RAB38: variants seen among roughly 807,000 people sequenced by gnomAD.
The protein encoded by RAB38 is RAB38, member RAS oncogene family.
RAB38 carries 15 observed loss-of-function variants against 18.4 expected under a neutral mutation model. That is an observed-to-expected ratio of 0.82 (90% CI 0.55 to 1.26). The LOEUF is 1.26. Ranked by LOEUF, RAB38 falls within the 50% of genes most tolerant of loss-of-function variation. The pLI, the probability that RAB38 is intolerant of heterozygous loss-of-function variation, is 0.00. For missense variants in RAB38, 294 were observed against 267.4 expected (o/e 1.10, Z -0.69); for synonymous variants, 101 against 104.4 (o/e 0.97, Z 0.20).
the RAB38 span, among the ~76,000 whole-genome samples, chr11:88,092,275 C>A: frequency 4.3e-5 from 5 of 116,624 alleles, no homozygotes; most frequent in African/African-American, 1.7e-4. Flanking sequence ...AGCTTACAAT[C>A]ATGGAAGAAG....
At chr11:88,076,469 A>G in the RAB38 span, among the ~76,000 whole-genome samples, 1 of 152,204 alleles carries the variant, frequency 6.6e-6, no homozygotes, top group Non-Finnish European at 1.5e-5. Context: ...CAAATTGGAA[A>G]AGAAGTCAAA....
rs1291578518 is a variant in RAB38, at chr11:88,120,341, G to GCT, written c.484-6203_484-6202dup. Among the ~76,000 whole-genome samples, 5 of 152,168 alleles carry GCT rather than the reference G, an allele frequency of 3.3e-5. No homozygotes were observed. The East Asian group carries it at 9.6e-4, about 29-fold the overall frequency. On this transcript the variant is annotated intron_variant, in intron 2 of 2. Coordinates refer to ENST00000243662, the MANE Select transcript of RAB38 (RefSeq NM_022337.3). ...TATATTTTCTCTTTCTCTTCTCCTT[G>GCT]CTCTCTTCTTAGAGTCTATGGCCTA...
At chr11:88,003,512 A>G in the RAB38 span, among the ~76,000 whole-genome samples, 2 of 52,068 alleles carry the variant, frequency 3.8e-5, 1 homozygote, top group Non-Finnish European at 7.4e-5. Context: ...AATAGATTGT[A>G]TATATTATAT....
chr11:87,936,307 T>G, the RAB38 span, among the ~76,000 whole-genome samples: 2 of 152,180 alleles, frequency 1.3e-5, no homozygotes, highest in Non-Finnish European at 2.9e-5. Context: ...CATTTTGAAT[T>G]AATGTAGAAG....
chr11:88,119,327 T>C (rs1778402422), intron 2 of RAB38, among the ~76,000 whole-genome samples: 1 of 152,152 alleles, frequency 6.6e-6, no homozygotes, highest in African/African-American at 2.4e-5. Flanking sequence ...TGTACCCCTG[T>C]ATCTAAAAGT....
At chr11:87,905,201 AT>A in the RAB38 span, among the ~76,000 whole-genome samples, 1 of 151,772 alleles carries the variant, frequency 6.6e-6, no homozygotes. Context: ...TATTTTCAAT[AT>A]AAAAATTTTC....
the RAB38 span, among the ~76,000 whole-genome samples, chr11:87,977,919 A>G: frequency 8.0e-5 from 9 of 113,106 alleles, no homozygotes; most frequent in African/African-American, 3.2e-4. Flanking sequence ...ATACATAAAT[A>G]TGTAGTGACA....
the RAB38 span, among the ~76,000 whole-genome samples, chr11:88,057,190 A>C: frequency 7.8e-3 from 1,189 of 152,292 alleles, 11 homozygotes; most frequent in African/African-American, 0.027. Flanking sequence ...TGAGCTAAAA[A>C]CATCCTGAGA....
At chr11:88,027,278 G>C in the RAB38 span, among the ~76,000 whole-genome samples, 1 of 152,100 alleles carries the variant, frequency 6.6e-6, no homozygotes, top group Non-Finnish European at 1.5e-5. Context: ...CCAGTCTACA[G>C]CTCCCAGTGT....
At chr11:87,958,135 A>C in the RAB38 span, among the ~76,000 whole-genome samples, 93 of 152,248 alleles carry the variant, frequency 6.1e-4, no homozygotes, top group Non-Finnish European at 1.1e-3. Flanking sequence ...ACTGGCAGCC[A>C]CTGCCCCCAG....
chr11:87,927,892 C>G, the RAB38 span, among the ~76,000 whole-genome samples: 1 of 151,838 alleles, frequency 6.6e-6, no homozygotes, highest in East Asian at 2.0e-4. Context: ...CATAGTGAGA[C>G]CTGTCTCTAC....
chr11:87,899,078 T>C, the RAB38 span, among the ~76,000 whole-genome samples: 1 of 151,612 alleles, frequency 6.6e-6, no homozygotes, highest in African/African-American at 2.4e-5. Flanking sequence ...AGATAATAAT[T>C]AGAGCCCTCA....
chr11:88,037,416 T>C, the RAB38 span, among the ~76,000 whole-genome samples: 5 of 152,144 alleles, frequency 3.3e-5, no homozygotes, highest in Admixed American at 2.6e-4. Flanking sequence ...ACTTTGACTT[T>C]TTAATATATT....
chr11:88,114,767 G>A (rs893721339), intron 2 of RAB38, among the ~76,000 whole-genome samples: 4 of 152,208 alleles, frequency 2.6e-5, no homozygotes, highest in African/African-American at 9.7e-5. Flanking sequence ...CCCTGTGGAA[G>A]CACAGCAATG....
At chr11:88,019,349 T>A in the RAB38 span, among the ~76,000 whole-genome samples, 3,171 of 152,140 alleles carry the variant, frequency 0.021, 95 homozygotes, top group African/African-American at 0.071. Flanking sequence ...TGCCAGCACA[T>A]CCTCTCAGCT....
the RAB38 span, among the ~76,000 whole-genome samples, chr11:88,063,680 C>T: frequency 1.3e-5 from 2 of 152,120 alleles, no homozygotes; most frequent in African/African-American, 4.8e-5. Flanking sequence ...GGCGGTTTCA[C>T]CCATACTGTT....
chr11:87,933,295 T>G, the RAB38 span, among the ~76,000 whole-genome samples: 1 of 152,138 alleles, frequency 6.6e-6, no homozygotes, highest in African/African-American at 2.4e-5. Context: ...TTCCTTTTTG[T>G]AGCACTGGTA....
the RAB38 span, among the ~76,000 whole-genome samples, chr11:87,907,128 C>G: frequency 6.6e-6 from 1 of 151,842 alleles, no homozygotes; most frequent in Non-Finnish European, 1.5e-5. Flanking sequence ...ACATTTTGGT[C>G]AATATAGCTG....
chr11:87,903,106 T>C, the RAB38 span, among the ~76,000 whole-genome samples: 1 of 151,368 alleles, frequency 6.6e-6, no homozygotes, highest in Non-Finnish European at 1.5e-5. Flanking sequence ...ATGTCTAATA[T>C]GATGTTTAAT....
Sources: gnomAD v4.1 joint callset for allele counts (sites outside exome capture counted in the v4.1 genomes callset) on GRCh38, gnomAD v4.1.1 for gene constraint, MANE v1.5 for transcripts, NCBI Gene and HGNC (gene_info 2026-07-23, HGNC 2026-07-21) for gene names.